Variants in PTBP3 observed in about 807,000 individuals in gnomAD.
PTBP3 encodes polypyrimidine tract binding protein 3.
PTBP3 carries 20 observed loss-of-function variants against 58.7 expected under a neutral mutation model. The ratio of observed to expected loss-of-function variants is 0.34; its 90% confidence interval spans 0.24 to 0.50. The LOEUF (loss-of-function observed/expected upper bound fraction) is 0.50. Ranked by LOEUF, PTBP3 falls within the 20% of genes least tolerant of loss-of-function variation. PTBP3 has a pLI of 0.98. For missense variants in PTBP3, 509 were observed against 637.2 expected (o/e 0.80, Z 2.17); for synonymous variants, 185 against 219.8 (o/e 0.84, Z 1.40).
rs181487526 is a variant in PTBP3 at position 112,263,093 on chromosome 9, G to A, written c.352-494C>T. ...ATTTTTGTTTTGGGGCAGGGGGAGG[G>A]AGCGTTGATCAGAATGCAAGGAAAT... On this transcript the variant is annotated intron_variant, in intron 4 of 13. Transcript: ENST00000374257. 1.7e-3 allele frequency among the ~76,000 whole-genome samples: 257 copies of A among 152,286 alleles called. 1 individual carries two copies. Among genetic ancestry groups the A allele is most frequent in the Non-Finnish European group, 2.6e-3 (175 of 68,024 alleles).
chr9:112,366,226 T>C, the PTBP3 span, among the ~76,000 whole-genome samples: 52 of 151,686 alleles, frequency 3.4e-4, no homozygotes, highest in African/African-American at 1.2e-3. Context: ...GAGATTGCAG[T>C]GAGCCAAGAC....
At chr9:112,355,431 A>T in the PTBP3 span, among the ~76,000 whole-genome samples, 1 of 152,176 alleles carries the variant, frequency 6.6e-6, no homozygotes, top group Admixed American at 6.5e-5. Context: ...CATACAACAG[A>T]AAACTCAGTA....
the PTBP3 span, among the ~76,000 whole-genome samples, chr9:112,357,492 C>G: frequency 6.6e-6 from 1 of 152,018 alleles, no homozygotes; most frequent in Non-Finnish European, 1.5e-5. Flanking sequence ...GCTGAGACTA[C>G]GCGCAGGCAG....
intron 1 of PTBP3, among the ~76,000 whole-genome samples, chr9:112,309,787 CAA>C (rs34895970): frequency 9.4e-6 from 1 of 106,364 alleles, no homozygotes. Flanking sequence ...GACTCCGTCT[CAA>C]AAAAAAAAAA....
At chr9:112,278,969 T>C (rs1827739507) in intron 2 of PTBP3, among the ~76,000 whole-genome samples, 1 of 152,226 alleles carries the variant, frequency 6.6e-6, no homozygotes, top group Non-Finnish European at 1.5e-5. Flanking sequence ...TAAATGACAG[T>C]GATTTTTTGC....
At chr9:112,376,198 CGT>C in the PTBP3 span, among the ~76,000 whole-genome samples, 414 of 4,064 alleles carry the variant, frequency 0.1, 23 homozygotes, top group East Asian at 0.27. Context: ...TCCTTATATA[CGT>C]GTGTGTGTGT....
At chr9:112,363,218 T>C in the PTBP3 span, 1 of 152,890 alleles carries the variant, frequency 6.5e-6, no homozygotes, top group African/African-American at 2.4e-5. Flanking sequence ...GGGTCCAAAC[T>C]CATTCTTTTA....
At chr9:112,290,277 G>A (rs1031890216) in intron 2 of PTBP3, among the ~76,000 whole-genome samples, 1 of 152,064 alleles carries the variant, frequency 6.6e-6, no homozygotes, top group Admixed American at 6.5e-5. Flanking sequence ...ATATCCAAAT[G>A]ATCAGTAAGC....
chr9:112,347,340 C>A, the PTBP3 span, among the ~76,000 whole-genome samples: 1 of 115,608 alleles, frequency 8.6e-6, no homozygotes. Flanking sequence ...TACTGGGATA[C>A]CTTTTTTTTT....
chr9:112,256,738 G>T (rs1836382577), intron 5 of PTBP3, among the ~76,000 whole-genome samples: 1 of 151,922 alleles, frequency 6.6e-6, no homozygotes, highest in South Asian at 2.1e-4. Flanking sequence ...ACCCAGGCTG[G>T]TCTCAAACTC....
intron 2 of PTBP3, chr9:112,281,221 C>A (rs1182130899): frequency 4.8e-6 from 1 of 207,386 alleles, no homozygotes; most frequent in Admixed American, 4.3e-5. Context: ...ACTTTATCTC[C>A]AACTTTCATG....
At chr9:112,322,928 G>A (rs1268249543) in intron 1 of PTBP3, among the ~76,000 whole-genome samples, 2 of 152,204 alleles carry the variant, frequency 1.3e-5, no homozygotes, top group African/African-American at 2.4e-5. Flanking sequence ...CAAGAGTCAG[G>A]ACCAAGGAAT....
chr9:112,316,234 T>C (rs771462568), intron 1 of PTBP3, among the ~76,000 whole-genome samples: 1 of 152,204 alleles, frequency 6.6e-6, no homozygotes, highest in East Asian at 1.9e-4. Flanking sequence ...TCCTAAAGTA[T>C]AGGTTGCACC....
chr9:112,364,177 C>CTTTT, the PTBP3 span, among the ~76,000 whole-genome samples: 25 of 73,532 alleles, frequency 3.4e-4, no homozygotes, highest in African/African-American at 1.1e-3. Flanking sequence ...TAGGTCAGTT[C>CTTTT]TTTTTTTTTT....
chr9:112,262,293 ATGAAATTAGATGAAGT>A, intron 5 of PTBP3, 126 bp downstream of exon 5: 1 of 659,958 alleles, frequency 1.5e-6, no homozygotes, highest in Middle Eastern at 4.5e-4. Context: ...TCTAATTTCT[ATGAAATTAGATGAAGT>A]TTTTTTCATT....
chr9:112,251,306 T>C (rs1444716761), intron 6 of PTBP3, among the ~76,000 whole-genome samples: 1 of 152,188 alleles, frequency 6.6e-6, no homozygotes, highest in Non-Finnish European at 1.5e-5. Context: ...TCAGCTTTCA[T>C]CTGTAAAATA....
intron 2 of PTBP3, among the ~76,000 whole-genome samples, chr9:112,288,422 T>C (rs1293639756): frequency 1.3e-5 from 2 of 152,364 alleles, no homozygotes; most frequent in East Asian, 1.9e-4. Flanking sequence ...TTCTCTTTCA[T>C]ACTCTGCTCC....
At chr9:112,282,783 G>A (rs895154243) in intron 2 of PTBP3, among the ~76,000 whole-genome samples, 2 of 151,932 alleles carry the variant, frequency 1.3e-5, no homozygotes, top group Admixed American at 6.6e-5. Flanking sequence ...TTTAGGACCC[G>A]GATACAGCCT....
chr9:112,236,554 A>T (rs563157125), intron 7 of PTBP3, among the ~76,000 whole-genome samples: 1 of 152,210 alleles, frequency 6.6e-6, no homozygotes, highest in Admixed American at 6.5e-5. Flanking sequence ...AAGGCTAAAA[A>T]CAAAGTTAAA....
Sources: allele counts gnomAD v4.1 joint callset (sites outside exome capture counted in the v4.1 genomes callset), GRCh38; gene constraint gnomAD v4.1.1; transcripts MANE v1.5; gene names NCBI Gene and HGNC (gene_info 2026-07-23, HGNC 2026-07-21).